Variants in PHYHIPL observed in about 807,000 individuals in gnomAD.
PHYHIPL encodes the protein phytanoyl-CoA 2-hydroxylase interacting protein like.
In PHYHIPL, 9 loss-of-function variants were observed where a neutral mutation model predicts 33.4. The observed-to-expected ratio is 0.27, with a 90% CI of 0.16 to 0.47. The LOEUF (loss-of-function observed/expected upper bound fraction) is 0.47, where lower values mean the gene tolerates loss of function less well. Among genes scored for constraint, PHYHIPL ranks in the 20% least tolerant of loss-of-function variants. The probability of loss-of-function intolerance (pLI) is 0.99; values close to 1 mark genes in which losing one functional copy is unlikely to be tolerated. For synonymous variants in PHYHIPL, 153 were observed against 154.1 expected, an observed-to-expected ratio of 0.99 and a Z score of 0.05; for missense variants, 365 against 460.7, an observed-to-expected ratio of 0.79 and a Z score of 1.90.
chr10:59,215,448 A>G (rs1297156310), intron 1 of PHYHIPL, among the ~76,000 whole-genome samples: 1 of 152,034 alleles, frequency 6.6e-6, no homozygotes, highest in African/African-American at 2.4e-5. Context: ...GTAATGTCCT[A>G]TTTCTGAAGT....
intron 1 of PHYHIPL, 111 bp downstream of exon 1, chr10:59,177,070 C>T (rs1404819201): frequency 3.4e-6 from 3 of 888,918 alleles, no homozygotes; most frequent in Admixed American, 2.4e-5. Flanking sequence ...TTTGTTGTCC[C>T]CTCTGTGCAA....
chr10:59,216,817 G>A (rs1487293008), intron 1 of PHYHIPL, among the ~76,000 whole-genome samples: 1 of 152,078 alleles, frequency 6.6e-6, no homozygotes, highest in African/African-American at 2.4e-5. Context: ...GGATATAGAA[G>A]TAAGGGCTTT....
At chr10:59,226,527 T>C (rs1488085010) in intron 1 of PHYHIPL, among the ~76,000 whole-genome samples, 1 of 152,070 alleles carries the variant, frequency 6.6e-6, no homozygotes, top group Admixed American at 6.6e-5. Context: ...GTGGAATCAT[T>C]GCTAAGGAGG....
At chr10:59,199,594 A>C (rs1032384417) in intron 1 of PHYHIPL, among the ~76,000 whole-genome samples, 42 of 152,290 alleles carry the variant, frequency 2.8e-4, no homozygotes, top group African/African-American at 1.0e-3. Flanking sequence ...TCTGTGAAGA[A>C]AGTCGTTGGT....
intron 1 of PHYHIPL, among the ~76,000 whole-genome samples, chr10:59,210,331 A>G (rs1019341773): frequency 6.6e-6 from 1 of 152,272 alleles, no homozygotes; most frequent in Non-Finnish European, 1.5e-5. Context: ...AAAAAAGCTC[A>G]TCATCACTGG....
intron 4 of PHYHIPL, among the ~76,000 whole-genome samples, chr10:59,241,843 AC>A (rs921247694): frequency 6.6e-6 from 1 of 152,180 alleles, no homozygotes; most frequent in Non-Finnish European, 1.5e-5. Context: ...TTAATGGGAT[AC>A]AAAGATATCT....
chr10:59,213,722 T>G (rs766550133), intron 1 of PHYHIPL, among the ~76,000 whole-genome samples: 1 of 152,188 alleles, frequency 6.6e-6, no homozygotes, highest in Non-Finnish European at 1.5e-5. Context: ...TAAGTTAGAG[T>G]TCTTGGCTGA....
chr10:59,225,555 A>C (rs905909742), intron 1 of PHYHIPL, among the ~76,000 whole-genome samples: 1 of 152,210 alleles, frequency 6.6e-6, no homozygotes, highest in African/African-American at 2.4e-5. Flanking sequence ...ATTCAAACTT[A>C]GTTACAAATT....
At position 59,245,625 on chromosome 10, in the gene PHYHIPL, TC is replaced by T. The variant is rs781723433; in HGVS notation, c.*36del. On this transcript the variant is annotated 3_prime_UTR_variant, in exon 5 of 5. Transcript: ENST00000373880. ...TTTCTTATTCTTACTCAGCCCCTTT[TC>T]CTCCCTTAGGAGCATTGGTCCTCTG... 30 of 1,547,064 alleles carry T rather than the reference TC, an allele frequency of 1.9e-5. No homozygotes were observed. Among genetic ancestry groups the T allele is most frequent in the Non-Finnish European group, 2.3e-5 (27 of 1,150,170 alleles).
At chr10:59,238,147 G>C (rs1007522252) in intron 3 of PHYHIPL, among the ~76,000 whole-genome samples, 4 of 151,900 alleles carry the variant, frequency 2.6e-5, no homozygotes, top group African/African-American at 9.7e-5. Flanking sequence ...GTGCTTTAGA[G>C]TTTCAAGCAT....
chr10:59,202,737 A>G (rs1257665027), intron 1 of PHYHIPL, among the ~76,000 whole-genome samples: 1 of 152,196 alleles, frequency 6.6e-6, no homozygotes, highest in Non-Finnish European at 1.5e-5. Context: ...TTGAGGTTAA[A>G]TTACCTGTCT....
At chr10:59,203,755 C>G (rs1439304930) in intron 1 of PHYHIPL, among the ~76,000 whole-genome samples, 10 of 84,288 alleles carry the variant, frequency 1.2e-4, no homozygotes, top group Non-Finnish European at 2.0e-4. Flanking sequence ...CATCACACAC[C>G]AGGGCCTGTC....
intron 3 of PHYHIPL, among the ~76,000 whole-genome samples, chr10:59,237,709 G>A (rs1312514305): frequency 6.6e-6 from 1 of 151,790 alleles, no homozygotes; most frequent in Non-Finnish European, 1.5e-5. Flanking sequence ...GAATGCCACA[G>A]GCTAATCTAC....
chr10:59,178,494 T>G (rs1224609736), intron 1 of PHYHIPL, among the ~76,000 whole-genome samples: 3 of 152,196 alleles, frequency 2.0e-5, no homozygotes, highest in Non-Finnish European at 4.4e-5. Context: ...AATGACTTTT[T>G]GTAATGTAAC....
At chr10:59,240,026 G>C (rs1273143717) in intron 4 of PHYHIPL, among the ~76,000 whole-genome samples, 2 of 152,028 alleles carry the variant, frequency 1.3e-5, no homozygotes, top group Admixed American at 6.6e-5. Context: ...ACACACGTAG[G>C]CATCTGTGTT....
Position 59,247,749 on chromosome 10 carries a change from A to G in PHYHIPL, c.*2158A>G. 1.2e-6 allele frequency: 2 copies of G among 1,606,398 alleles called. No homozygotes were observed. The highest frequency in any genetic ancestry group is 1.7e-4 in the Middle Eastern group (1 of 6,044). ...CCTTTTGTGGACTTCTGCAAAACAAAAATACATTTGTTAGTTCACAATGAA... is the reference window on the plus strand; with the variant it reads ...CCTTTTGTGGACTTCTGCAAAACAAGAATACATTTGTTAGTTCACAATGAA... On this transcript the variant is annotated 3_prime_UTR_variant, in exon 5 of 5. Transcript: ENST00000373880.
At chr10:59,192,971 G>A (rs865919063) in intron 1 of PHYHIPL, among the ~76,000 whole-genome samples, 8 of 152,110 alleles carry the variant, frequency 5.3e-5, no homozygotes, top group African/African-American at 1.9e-4. Flanking sequence ...GTGTCTCATA[G>A]GGAGAGAGTT....
intron 1 of PHYHIPL, among the ~76,000 whole-genome samples, chr10:59,221,979 C>A (rs918827599): frequency 6.6e-6 from 1 of 152,008 alleles, no homozygotes; most frequent in African/African-American, 2.4e-5. Flanking sequence ...TTTCTAACTC[C>A]TAACCCTTGG....
At chr10:59,175,013 CT>C (rs3214747), upstream of PHYHIPL, among the ~76,000 whole-genome samples, 1 of 151,880 alleles carries the variant, frequency 6.6e-6, no homozygotes, top group Non-Finnish European at 1.5e-5. Flanking sequence ...TACACAGTTC[CT>C]TTTTTTTGAG....
Sources: gnomAD v4.1 joint callset for allele counts (sites outside exome capture counted in the v4.1 genomes callset) on GRCh38, gnomAD v4.1.1 for gene constraint, MANE v1.5 for transcripts, NCBI Gene and HGNC (gene_info 2026-07-23, HGNC 2026-07-21) for gene names.